Variants in CBFA2T3 observed in about 807,000 individuals in gnomAD.
The protein encoded by CBFA2T3 is transcriptional corepressor CBFA2T3.
In CBFA2T3, 31 loss-of-function variants were observed where a neutral mutation model predicts 58.6. The observed-to-expected ratio is 0.53, with a 90% CI of 0.40 to 0.71. The LOEUF is 0.71. Among genes scored for constraint, CBFA2T3 ranks in the 30% least tolerant of loss-of-function variants. The pLI, the probability that CBFA2T3 is intolerant of heterozygous loss-of-function variation, is 0.00. For synonymous variants in CBFA2T3, 531 were observed against 421.9 expected (o/e 1.26, Z -3.17); for missense variants, 1,076 against 963.1 (o/e 1.12, Z -1.55).
chr16:88,881,587 G>T, intron 8 of CBFA2T3, 98 bp from the exon 9 acceptor site: 2 of 1,230,846 alleles, frequency 1.6e-6, no homozygotes, highest in Non-Finnish European at 1.1e-6. Flanking sequence ...CAGGATGGGT[G>T]CCCGACCAGC....
chr16:88,879,908 G>A (rs935225693), intron 10 of CBFA2T3: 38 of 168,150 alleles, frequency 2.3e-4, no homozygotes, highest in Admixed American at 1.2e-4. Flanking sequence ...GAAGCACTTG[G>A]ATAACTCTGC....
At chr16:88,922,926 G>C (rs762753037) in intron 1 of CBFA2T3, among the ~76,000 whole-genome samples, 1 of 152,224 alleles carries the variant, frequency 6.6e-6, no homozygotes, top group Non-Finnish European at 1.5e-5. Flanking sequence ...CCACCGTACA[G>C]ATGGGGCAGC....
At chr16:88,950,403 G>C (rs111460807) in intron 1 of CBFA2T3, 9 of 406,416 alleles carry the variant, frequency 2.2e-5, no homozygotes, top group African/African-American at 1.2e-4. Context: ...CAGTTCACCC[G>C]TCCCCTGGAC....
intron 1 of CBFA2T3, chr16:88,902,623 G>A (rs1244156555): frequency 1.3e-5 from 2 of 151,760 alleles, no homozygotes; most frequent in African/African-American, 4.9e-5. Flanking sequence ...GACACCAGGA[G>A]GCCAAGCCAG....
chr16:88,881,019 G>A, intron 9 of CBFA2T3: 2 of 695,058 alleles, frequency 2.9e-6, no homozygotes, highest in Non-Finnish European at 5.2e-6. Context: ...TGTGTGTCCT[G>A]GGCCTCTCCT....
At chr16:88,890,216 C>T (rs968401718) in intron 5 of CBFA2T3, among the ~76,000 whole-genome samples, 14 of 152,186 alleles carry the variant, frequency 9.2e-5, no homozygotes, top group African/African-American at 3.4e-4. Context: ...AGTGAGGCCC[C>T]GTTCTTTCCG....
At chr16:88,935,058 A>T (rs11864993) in intron 1 of CBFA2T3, among the ~76,000 whole-genome samples, 1 of 152,108 alleles carries the variant, frequency 6.6e-6, no homozygotes, top group Non-Finnish European at 1.5e-5. Flanking sequence ...GCATTCTTTA[A>T]GGGAGCTGAA....
intron 1 of CBFA2T3, among the ~76,000 whole-genome samples, chr16:88,942,309 T>G (rs1463605102): frequency 6.6e-6 from 1 of 152,144 alleles, no homozygotes; most frequent in East Asian, 1.9e-4. Flanking sequence ...GTGCTCTTAC[T>G]TTAGACACAA....
At position 88,877,116 on chromosome 16, in the gene CBFA2T3, G is replaced by A. The variant is rs1242950910; in HGVS notation, c.1822C>T (p.Pro608Ser). 1.4e-5 allele frequency: 21 copies of A among 1,547,420 alleles called. No homozygotes were observed. The highest frequency in any genetic ancestry group is 2.0e-5 in the Admixed American group (1 of 51,090). Residue 608 changes from proline to serine, a missense_variant, in exon 12 of 12, where the codon CCT becomes TCT. Coordinates refer to ENST00000268679, the MANE Select transcript of CBFA2T3 (RefSeq NM_005187.6). Reference sequence around the variant, plus strand: ...CTGTGGGCGGCTTCGGGCGGTCCAGGCACCGGGTCGGCCACCACGGCTGTG... The same window carrying A: ...CTGTGGGCGGCTTCGGGCGGTCCAGACACCGGGTCGGCCACCACGGCTGTG... ...GPTAVVADPV[P>S]GPPEAAHSLG...
At chr16:88,908,800 CA>C (rs1970425713) in intron 1 of CBFA2T3, among the ~76,000 whole-genome samples, 1 of 152,278 alleles carries the variant, frequency 6.6e-6, no homozygotes, top group Non-Finnish European at 1.5e-5. Flanking sequence ...GCAGGTAACG[CA>C]GGTGACCTGT....
At position 88,892,364 on chromosome 16, in the gene CBFA2T3, T is replaced by A. The variant is rs914762547; in HGVS notation, c.501A>T (p.Pro167=). Residue 167 remains proline (P), a synonymous_variant, in exon 4 of 12, where the codon CCA becomes CCT. Transcript: ENST00000268679. ...TASLSTQHLP[P]ACGARQLSKL... ...TGCTGAGCTGCCGGGCCCCGCAGGC[T>A]GGGGGCAGGTGCTGTGTGGACAAGG... The A allele has an allele frequency of 1.0e-4, 167 of 1,613,164 alleles. No individual in the cohort carries two copies. The highest frequency in any genetic ancestry group is 1.6e-4 in the Middle Eastern group (1 of 6,080).
At chr16:88,929,925 G>C (rs1233284888) in intron 1 of CBFA2T3, among the ~76,000 whole-genome samples, 1 of 144,448 alleles carries the variant, frequency 6.9e-6, no homozygotes, top group East Asian at 2.1e-4. Context: ...CCACGCAAAA[G>C]CTACCAATAC....
chr16:88,946,516 CTT>C (rs1258931804), intron 1 of CBFA2T3, among the ~76,000 whole-genome samples: 2 of 151,774 alleles, frequency 1.3e-5, no homozygotes, highest in African/African-American at 4.8e-5. Flanking sequence ...GAGTCTTGCT[CTT>C]GTCTCCCAGA....
At chr16:88,975,068 G>T (rs1465163426) in intron 1 of CBFA2T3, among the ~76,000 whole-genome samples, 2 of 145,792 alleles carry the variant, frequency 1.4e-5, no homozygotes, top group African/African-American at 5.0e-5. Context: ...CTAAGCAGGG[G>T]CTCCCTGGGG....
intron 2 of CBFA2T3, 25 bp from the exon 3 acceptor site, chr16:88,898,177 G>T: frequency 6.3e-7 from 1 of 1,575,334 alleles, no homozygotes; most frequent in Non-Finnish European, 8.7e-7. Context: ...AGAAGAACAC[G>T]CTGTCAGGAG....
chr16:88,955,787 G>C (rs1430348727), intron 1 of CBFA2T3, among the ~76,000 whole-genome samples: 1 of 19,766 alleles, frequency 5.1e-5, no homozygotes, highest in Non-Finnish European at 1.2e-4. Context: ...CCTGACCTCA[G>C]CCAAGGCTCC....
chr16:88,969,648 C>A (rs1337735397), intron 1 of CBFA2T3, among the ~76,000 whole-genome samples: 1 of 152,214 alleles, frequency 6.6e-6, no homozygotes, highest in Non-Finnish European at 1.5e-5. Flanking sequence ...GGGGGCGGGG[C>A]CGGCCTGACG....
intron 1 of CBFA2T3, among the ~76,000 whole-genome samples, chr16:88,911,722 T>C (rs1409171644): frequency 1.3e-5 from 2 of 152,280 alleles, no homozygotes; most frequent in Non-Finnish European, 1.5e-5. Flanking sequence ...CCAGCTGTCA[T>C]GCTTCGGGCT....
intron 2 of CBFA2T3, among the ~76,000 whole-genome samples, chr16:88,898,741 G>C (rs1001882767): frequency 6.6e-6 from 1 of 152,188 alleles, no homozygotes; most frequent in Non-Finnish European, 1.5e-5. Flanking sequence ...AGAAAGATTC[G>C]GCTGGGCTCA....
Sources: gnomAD v4.1 joint callset for allele counts (sites outside exome capture counted in the v4.1 genomes callset) on GRCh38, gnomAD v4.1.1 for gene constraint, MANE v1.5 for transcripts, NCBI Gene and HGNC (gene_info 2026-07-23, HGNC 2026-07-21) for gene names.